Variants in SCG3 observed in about 807,000 individuals in gnomAD.
SCG3 encodes secretogranin III, also known as secretogranin-3.
SCG3 carries 38 observed loss-of-function variants against 56.2 expected under a neutral mutation model. The observed-to-expected ratio is 0.68, with a 90% CI of 0.52 to 0.89. The LOEUF (loss-of-function observed/expected upper bound fraction) is 0.89, where lower values mean the gene tolerates loss of function less well. Ranked by LOEUF, SCG3 falls within the 40% of genes least tolerant of loss-of-function variation. The probability of loss-of-function intolerance (pLI) is 0.00; values close to 1 mark genes in which losing one functional copy is unlikely to be tolerated. For synonymous variants in SCG3, 176 were observed against 184.2 expected (o/e 0.96, Z 0.36); for missense variants, 524 against 540.7 (o/e 0.97, Z 0.31).
intron 4 of SCG3, among the ~76,000 whole-genome samples, chr15:51,687,550 T>C (rs1166666119): frequency 6.6e-6 from 1 of 152,230 alleles, no homozygotes; most frequent in Non-Finnish European, 1.5e-5. Flanking sequence ...ATGAGCATGC[T>C]TCTCTGCAAA....
intron 4 of SCG3, among the ~76,000 whole-genome samples, chr15:51,686,877 C>A (rs1264792741): frequency 6.6e-6 from 1 of 152,112 alleles, no homozygotes; most frequent in Non-Finnish European, 1.5e-5. Context: ...AAGCTTCTTT[C>A]CAAACAAGAA....
intron 1 of SCG3, 141 bp downstream of exon 1, chr15:51,681,978 T>G: frequency 1.6e-6 from 1 of 638,584 alleles, no homozygotes. Context: ...GAGAAATCAG[T>G]TCGAATTTAG....
intron 7 of SCG3, among the ~76,000 whole-genome samples, chr15:51,692,603 C>T (rs753081915): frequency 2.6e-5 from 4 of 152,088 alleles, no homozygotes; most frequent in African/African-American, 4.8e-5. Context: ...AAATACTGAA[C>T]GTGTGCTATG....
intron 4 of SCG3, 132 bp downstream of exon 4, chr15:51,683,566 G>C (rs1055410665): frequency 7.1e-6 from 4 of 565,182 alleles, no homozygotes; most frequent in Admixed American, 7.1e-5. Flanking sequence ...TTGAGATAAA[G>C]CATATATTTA....
At chr15:51,711,536 G>A (rs1358395552) in intron 10 of SCG3, among the ~76,000 whole-genome samples, 2 of 152,208 alleles carry the variant, frequency 1.3e-5, no homozygotes, top group Admixed American at 1.3e-4. Flanking sequence ...TTAAAATAAT[G>A]AAGTTGCATT....
At chr15:51,696,442 C>G (rs1208832291) in intron 8 of SCG3, among the ~76,000 whole-genome samples, 1 of 152,024 alleles carries the variant, frequency 6.6e-6, no homozygotes, top group East Asian at 1.9e-4. Context: ...TCCAGCTACT[C>G]AGGAGGCTGA....
At chr15:51,693,624 G>C (rs1025103229) in intron 7 of SCG3, 1 of 152,126 alleles carries the variant, frequency 6.6e-6, no homozygotes, top group African/African-American at 2.4e-5. Context: ...TTCTTTCCCT[G>C]TTCAAGGATT....
At chr15:51,712,364 G>A (rs1595841228) in intron 10 of SCG3, among the ~76,000 whole-genome samples, 1 of 152,138 alleles carries the variant, frequency 6.6e-6, no homozygotes, top group African/African-American at 2.4e-5. Flanking sequence ...AAGCCATCTG[G>A]TACTTTCTAG....
intron 10 of SCG3, among the ~76,000 whole-genome samples, chr15:51,709,701 ATTTTTTTTTTTTTTTTTTTTT>A (rs869162420): frequency 4.4e-5 from 1 of 22,964 alleles, no homozygotes; most frequent in Non-Finnish European, 6.5e-5. Context: ...ATATATATAT[ATTTTTTTTTTTTTTTTTTTTT>A]TTTTTTTTTT....
intron 2 of SCG3, 49 bp from the exon 3 acceptor site, chr15:51,683,030 T>C (rs770340205): frequency 6.2e-6 from 9 of 1,448,930 alleles, no homozygotes; most frequent in African/African-American, 1.4e-5. Flanking sequence ...ACTTGGTAAG[T>C]AGTGGAGCAA....
chr15:51,681,637 T>TTCCCCCCCCCC lies in SCG3; in HGVS notation c.-119_-118insTCCCCCCCCCC. On this transcript the variant is annotated 5_prime_UTR_variant, in exon 1 of 12. Coordinates refer to ENST00000220478, the MANE Select transcript of SCG3 (RefSeq NM_013243.4). The stretch of plus-strand genomic sequence containing the variant: ...TGCAGCCGCCCAGTCCCGGCCCCTC[T>TTCCCCCCCCCC]CCCGCCCCACACCCACCCTCCTGGC... 1 of 582,690 alleles carries TTCCCCCCCCCC rather than the reference T, an allele frequency of 1.7e-6. No homozygotes were observed. The highest frequency in any genetic ancestry group is 3.3e-6 in the Non-Finnish European group (1 of 307,202). 36.1% of individuals were successfully genotyped at this position (582,690 alleles called of 1,614,324 possible). A position where few individuals can be genotyped will look rare whatever the true frequency, so the allele number is the denominator to read the frequency against.
At chr15:51,701,618 C>T (rs897143578) in intron 10 of SCG3, among the ~76,000 whole-genome samples, 2 of 152,222 alleles carry the variant, frequency 1.3e-5, no homozygotes, top group South Asian at 4.1e-4. Flanking sequence ...GCTTATTCAA[C>T]AAGATCATCA....
At position 51,699,347 on chromosome 15, in the gene SCG3, G is replaced by A; in HGVS notation, c.1014G>A (p.Gln338=). 6.2e-7 allele frequency: 1 copy of A among 1,607,722 alleles called. No homozygotes were observed. Among genetic ancestry groups the A allele is most frequent in the South Asian group, 1.1e-5 (1 of 88,940 alleles). ...LENLDEMIAL[Q]TKNKLEKNAT... Reference sequence around the variant, plus strand: ...ACTTGGATGAAATGATTGCTCTTCAGACCAAAAACAAGCTAGAAAAAAATG... The same window carrying A: ...ACTTGGATGAAATGATTGCTCTTCAAACCAAAAACAAGCTAGAAAAAAATG... Residue 338 remains glutamine, a synonymous_variant, in exon 9 of 12, where the codon CAG becomes CAA. Transcript: ENST00000220478.
chr15:51,719,647 C>G lies in SCG3; in HGVS notation c.*121C>G, dbSNP rs2055483276. 1.5e-6 allele frequency: 1 copy of G among 645,432 alleles called. No individual in the cohort carries two copies. The highest frequency in any genetic ancestry group is 2.0e-5 in the South Asian group (1 of 49,206). The allele number at this position is 645,432 out of a possible 1,614,324, so 40.0% of individuals were successfully genotyped here. On this transcript the variant is annotated 3_prime_UTR_variant, in exon 12 of 12. Transcript: ENST00000220478. ...GGGTTATTAGAAAGTGCTGAATTTA[C>G]AGTAGTTAACCTTTTACAAGTGGTT...
At chr15:51,710,740 C>A (rs1411216771) in intron 10 of SCG3, among the ~76,000 whole-genome samples, 1 of 145,644 alleles carries the variant, frequency 6.9e-6, no homozygotes, top group Non-Finnish European at 1.5e-5. Context: ...TGCACACCAC[C>A]ATGCCTGGCT....
intron 7 of SCG3, 48 bp from the exon 8 acceptor site, chr15:51,695,825 AAG>A: frequency 2.0e-6 from 2 of 985,420 alleles, no homozygotes; most frequent in Non-Finnish European, 3.2e-6. Flanking sequence ...TTGACATTGA[AAG>A]AGGAAGCTAT....
chr15:51,692,461 T>C, intron 7 of SCG3, 125 bp downstream of exon 7: 1 of 826,928 alleles, frequency 1.2e-6, no homozygotes, highest in East Asian at 2.7e-5. Context: ...ACTGTGGGCT[T>C]GGGGAAAAGG....
rs994027587 is a variant in SCG3, at chr15:51,720,198, T to C, written c.*672T>C. 6.6e-6 allele frequency: 1 copy of C among 152,286 alleles called. No individual in the cohort carries two copies. Among genetic ancestry groups the C allele is most frequent in the African/African-American group, 2.4e-5 (1 of 41,466 alleles). The allele number at this position is 152,286 out of a possible 1,614,324, so 9.4% of individuals were successfully genotyped here. A position where few individuals can be genotyped will look rare whatever the true frequency, so the allele number is the denominator to read the frequency against. ...TTACTTATAAAGAGAGATATTTATG[T>C]ACTCTCTAAGAAGACAAATGAGGTC... On this transcript the variant is annotated 3_prime_UTR_variant, in exon 12 of 12. Coordinates refer to ENST00000220478, the MANE Select transcript of SCG3 (RefSeq NM_013243.4).
At chr15:51,716,860 C>T (rs2055459800) in intron 11 of SCG3, among the ~76,000 whole-genome samples, 1 of 152,238 alleles carries the variant, frequency 6.6e-6, no homozygotes. Flanking sequence ...GTTGCATGTC[C>T]AGGCCTCTGG....
Sources: allele counts gnomAD v4.1 joint callset (sites outside exome capture counted in the v4.1 genomes callset), GRCh38; gene constraint gnomAD v4.1.1; transcripts MANE v1.5; gene names NCBI Gene and HGNC (gene_info 2026-07-23, HGNC 2026-07-21).